The following TRIO variants were observed in gnomAD, a reference collection of about 807,000 sequenced individuals.
The protein encoded by TRIO is triple functional domain protein.
A neutral mutation model predicts 351.9 loss-of-function variants in TRIO; 58 were observed. That is an observed-to-expected ratio of 0.16 (90% CI 0.13 to 0.21). The LOEUF (loss-of-function observed/expected upper bound fraction) is 0.21, where lower values mean the gene tolerates loss of function less well. Ranked by LOEUF, TRIO falls within the 10% of genes least tolerant of loss-of-function variation. The pLI is 1.00. For synonymous variants in TRIO, 1,758 were observed against 1,595.7 expected (o/e 1.10, Z -2.42); for missense variants, 3,201 against 4,027.8 (o/e 0.79, Z 5.56).
chr5:14,331,473 G>T (rs1443798771), intron 10 of TRIO, among the ~76,000 whole-genome samples: 1 of 152,184 alleles, frequency 6.6e-6, no homozygotes, highest in Non-Finnish European at 1.5e-5. Context: ...GTTGTGGCTT[G>T]ATGAAGTAAC....
intron 28 of TRIO, among the ~76,000 whole-genome samples, chr5:14,395,448 C>T (rs1175937519): frequency 6.6e-6 from 1 of 152,198 alleles, no homozygotes; most frequent in Non-Finnish European, 1.5e-5. Context: ...AATTTGTAAA[C>T]CTCGCCTTAC....
intron 34 of TRIO, among the ~76,000 whole-genome samples, chr5:14,437,830 C>G (rs1751718050): frequency 6.6e-6 from 1 of 152,156 alleles, no homozygotes; most frequent in South Asian, 2.1e-4. Flanking sequence ...ATCCCACCAT[C>G]CTGGTAGATT....
intron 20 of TRIO, among the ~76,000 whole-genome samples, chr5:14,379,925 T>A (rs920724114): frequency 6.6e-6 from 1 of 152,188 alleles, no homozygotes; most frequent in African/African-American, 2.4e-5. Context: ...CTCTTGCTGA[T>A]CTTGCCTTGG....
chr5:14,147,866 AAGTGGG>A (rs947856679), intron 1 of TRIO, among the ~76,000 whole-genome samples: 1 of 152,230 alleles, frequency 6.6e-6, no homozygotes, highest in African/African-American at 2.4e-5. Context: ...TTGTATTACA[AAGTGGG>A]TCCTTGTTAC....
At chr5:14,364,429 G>A (rs1248665628) in intron 14 of TRIO, among the ~76,000 whole-genome samples, 2 of 152,196 alleles carry the variant, frequency 1.3e-5, no homozygotes, top group African/African-American at 4.8e-5. Flanking sequence ...CACTTTCCTA[G>A]TTATCAGTGT....
intron 8 of TRIO, 68 bp downstream of exon 8, chr5:14,304,660 GAAAA>G: frequency 7.0e-7 from 1 of 1,427,492 alleles, no homozygotes; most frequent in Non-Finnish European, 9.3e-7. Context: ...CCGGAAGCTA[GAAAA>G]AAAAAAGTTT....
At position 14,487,685 on chromosome 5, in the gene TRIO, G is replaced by T; in HGVS notation, c.7057G>T (p.Val2353Phe). The change falls in exon 48 of 57, where the codon GTC becomes TTC. Residue 2353 changes from valine (V) to phenylalanine (F), a missense_variant. Coordinates refer to ENST00000344204, the MANE Select transcript of TRIO (RefSeq NM_007118.4). Reference protein sequence around the residue: ...QPVRHHPPVLVSSAASSQAEA... With the variant: ...QPVRHHPPVLFSSAASSQAEA... ...TGTCCGACACCACCCCCCCGTGCTG[G>T]TCTCCTCTGCAGCCTCGAGCCAGGC... The T allele has an allele frequency of 1.4e-6, 2 of 1,422,926 alleles. No homozygotes were observed. The highest frequency in any genetic ancestry group is 1.9e-6 in the Non-Finnish European group (2 of 1,077,520). The allele number at this position is 1,422,926 out of a possible 1,614,324, so 88.1% of individuals were successfully genotyped here. A position where few individuals can be genotyped will look rare whatever the true frequency, so the allele number is the denominator to read the frequency against.
At chr5:14,280,269 A>G in intron 2 of TRIO, 53 bp from the exon 3 acceptor site, 1 of 1,532,594 alleles carries the variant, frequency 6.5e-7, no homozygotes, top group Non-Finnish European at 9.0e-7. Flanking sequence ...ATGATAACAT[A>G]GGATTTCTGT....
At chr5:14,435,114 A>G (rs1175444317) in intron 34 of TRIO, among the ~76,000 whole-genome samples, 2 of 152,150 alleles carry the variant, frequency 1.3e-5, no homozygotes, top group Non-Finnish European at 2.9e-5. Context: ...TCCTTAGTTC[A>G]GCTAAAGACA....
intron 9 of TRIO, among the ~76,000 whole-genome samples, chr5:14,319,002 GC>G (rs913151829): frequency 6.6e-6 from 1 of 152,066 alleles, no homozygotes; most frequent in African/African-American, 2.4e-5. Flanking sequence ...AGGTAAGGAA[GC>G]CCTTGGGAAT....
intron 1 of TRIO, among the ~76,000 whole-genome samples, chr5:14,232,500 G>T (rs962033578): frequency 6.6e-6 from 1 of 152,268 alleles, no homozygotes; most frequent in South Asian, 2.1e-4. Flanking sequence ...TGTTTGTCTG[G>T]TGTCCTGGAC....
chr5:14,426,609 T>C (rs28482202), intron 34 of TRIO, among the ~76,000 whole-genome samples: 15,832 of 152,128 alleles, frequency 0.1, 1,520 homozygotes, highest in African/African-American at 0.26. Flanking sequence ...AACTTAAAAA[T>C]GGGATAGAGG....
intron 21 of TRIO, among the ~76,000 whole-genome samples, chr5:14,385,637 G>A (rs895301103): frequency 1.3e-5 from 2 of 152,220 alleles, no homozygotes; most frequent in Admixed American, 6.5e-5. Flanking sequence ...TGGAACTGGT[G>A]ACAGTGGAAG....
chr5:14,439,289 C>T (rs1455705695), intron 34 of TRIO, among the ~76,000 whole-genome samples: 4 of 152,242 alleles, frequency 2.6e-5, no homozygotes, highest in Admixed American at 1.3e-4. Flanking sequence ...GTTGGGATTA[C>T]AGGCATGAGC....
At chr5:14,387,989 C>T in intron 23 of TRIO, 142 bp downstream of exon 23, 1 of 784,050 alleles carries the variant, frequency 1.3e-6, no homozygotes, top group South Asian at 1.8e-5. Context: ...GTTGTGTCAG[C>T]ACAGACTTCG....
At chr5:14,423,726 C>A (rs1750377504) in intron 34 of TRIO, among the ~76,000 whole-genome samples, 1 of 152,032 alleles carries the variant, frequency 6.6e-6, no homozygotes, top group Non-Finnish European at 1.5e-5. Flanking sequence ...TCTGGAGTGC[C>A]TGGCATGAAT....
chr5:14,442,646 C>T (rs879428451), intron 34 of TRIO, among the ~76,000 whole-genome samples: 1 of 152,206 alleles, frequency 6.6e-6, no homozygotes, highest in African/African-American at 2.4e-5. Flanking sequence ...AGATGGTGAC[C>T]TCCCTGTCTG....
chr5:14,256,796 G>C (rs949455115), intron 1 of TRIO, among the ~76,000 whole-genome samples: 1 of 152,216 alleles, frequency 6.6e-6, no homozygotes, highest in African/African-American at 2.4e-5. Context: ...TGTTTTGGTC[G>C]CAGAGTTGAC....
rs186546327 is a variant in TRIO, at chr5:14,288,695, G to A, written c.540+1632G>A. Among the ~76,000 whole-genome samples, 48 of 151,834 alleles carry A rather than the reference G, an allele frequency of 3.2e-4. 1 individual carries two copies. The Middle Eastern group carries it at 0.017, about 55-fold the overall frequency. The stretch of plus-strand genomic sequence containing the variant: ...AAAAAAAAAAGTCCAGCAAACGAGA[G>A]AGGAATGGGCCTATGGTAGGATTGT... On this transcript the variant is annotated intron_variant, in intron 4 of 56. Coordinates refer to ENST00000344204, the MANE Select transcript of TRIO (RefSeq NM_007118.4).
Sources: allele counts gnomAD v4.1 joint callset (sites outside exome capture counted in the v4.1 genomes callset), GRCh38; gene constraint gnomAD v4.1.1; transcripts MANE v1.5; gene names NCBI Gene and HGNC (gene_info 2026-07-23, HGNC 2026-07-21).